NADSYN1: variants seen among roughly 807,000 people sequenced by gnomAD.
NADSYN1 encodes the protein glutamine-dependent NAD(+) synthetase.
In NADSYN1, 80 loss-of-function variants were observed where a neutral mutation model predicts 99.3. The observed-to-expected ratio is 0.81, with a 90% CI of 0.67 to 0.97. The LOEUF is 0.97. Ranked by LOEUF, NADSYN1 falls within the 50% of genes least tolerant of loss-of-function variation. The pLI is 0.00. For missense variants in NADSYN1, 859 were observed against 948.5 expected, an observed-to-expected ratio of 0.91 and a Z score of 1.24; for synonymous variants, 385 against 372.1, an observed-to-expected ratio of 1.03 and a Z score of -0.40.
intron 5 of NADSYN1, among the ~76,000 whole-genome samples, chr11:71,470,752 T>C (rs1055011500): frequency 3.9e-5 from 6 of 152,202 alleles, no homozygotes; most frequent in Admixed American, 2.0e-4. Flanking sequence ...TCAGGAAAGT[T>C]TACCTATTTT....
chr11:71,482,940 C>G lies in NADSYN1; in HGVS notation c.1242C>G (p.Thr414=). ...GAGACCTCTGTGGACGCATACTGACCACCTGCTACATGGCCAGCAAGAACT... is the reference window on the plus strand; with the variant it reads ...GAGACCTCTGTGGACGCATACTGACGACCTGCTACATGGCCAGCAAGAACT... ...DPRDLCGRIL[T]TCYMASKNSS... Residue 414 remains threonine (T), a synonymous_variant, in exon 14 of 21, where the codon ACC becomes ACG. Transcript: ENST00000319023. The G allele has an allele frequency of 6.2e-7, 1 of 1,613,146 alleles. No individual in the cohort carries two copies. Among genetic ancestry groups the G allele is most frequent in the Non-Finnish European group, 8.5e-7 (1 of 1,179,634 alleles).
At chr11:71,456,464 C>A (rs966949631) in intron 2 of NADSYN1, among the ~76,000 whole-genome samples, 1 of 152,220 alleles carries the variant, frequency 6.6e-6, no homozygotes, top group African/African-American at 2.4e-5. Flanking sequence ...CTGATCGTCT[C>A]GTGAGCCTGA....
chr11:71,489,481 A>G (rs756868346), intron 16 of NADSYN1, among the ~76,000 whole-genome samples: 2 of 152,166 alleles, frequency 1.3e-5, no homozygotes, highest in Non-Finnish European at 2.9e-5. Context: ...GGATTTCCCC[A>G]GACTGTGCTC....
At chr11:71,479,687 G>A (rs922901716) in intron 10 of NADSYN1, 1 of 152,218 alleles carries the variant, frequency 6.6e-6, no homozygotes, top group African/African-American at 2.4e-5. Context: ...TGTTGTCAAG[G>A]TTTATCTATG....
rs74651639 is a variant in NADSYN1 at position 71,473,003 on chromosome 11, A to C, written c.460-275A>C. ...GTCGCTTCAGAAGCTGCTGGCCCCA[A>C]TTGGCAGCCCCATCGATGTCCGTGA... On this transcript the variant is annotated intron_variant, in intron 6 of 20. Transcript: ENST00000319023. Among the ~76,000 whole-genome samples the C allele has an allele frequency of 1.8e-3, 267 of 152,326 alleles. 2 individuals are homozygous for C. Among genetic ancestry groups the C allele is most frequent in the African/African-American group, 6.1e-3 (253 of 41,580 alleles).
chr11:71,473,573 C>T lies in NADSYN1; in HGVS notation c.553C>T (p.His185Tyr), dbSNP rs979996141. ...CEELWTPHSPHIDMGLDGVEI... is the reference protein window; with the variant it reads ...CEELWTPHSPYIDMGLDGVEI... ...TTCACCTGCCTCTGCCTGCAGCCCG[C>T]ACATCGACATGGGCCTGGATGGCGT... The change falls in exon 8 of 21, where the codon CAC (histidine) becomes TAC (tyrosine). Residue 185 changes from histidine (H) to tyrosine (Y), a missense_variant. Physicochemically the swap from His to Tyr is moderately conservative, Grantham distance 83 (BLOSUM62 2). Coordinates refer to ENST00000319023, the MANE Select transcript of NADSYN1 (RefSeq NM_018161.5). 28 of 1,609,276 alleles carry T rather than the reference C, an allele frequency of 1.7e-5. 1 individual carries two copies. Among genetic ancestry groups the T allele is most frequent in the Middle Eastern group, 1.7e-4 (1 of 6,024 alleles).
chr11:71,496,239 G>A (rs573369064), intron 18 of NADSYN1, among the ~76,000 whole-genome samples: 2 of 152,304 alleles, frequency 1.3e-5, no homozygotes, highest in African/African-American at 4.8e-5. Flanking sequence ...TCAAGGTGTT[G>A]GCAGAGTCCT....
At chr11:71,473,448 G>T in intron 7 of NADSYN1, 82 bp downstream of exon 7, 1 of 1,444,692 alleles carries the variant, frequency 6.9e-7, no homozygotes, top group Non-Finnish European at 9.6e-7. Flanking sequence ...GACGTCCTGG[G>T]GCCGTGGCCG....
chr11:71,478,695 T>G (rs1380738111), intron 10 of NADSYN1: 3 of 519,688 alleles, frequency 5.8e-6, no homozygotes, highest in Admixed American at 6.3e-5. Context: ...TGGGGTGAGC[T>G]GGGGACAGGC....
At chr11:71,490,824 T>C in intron 16 of NADSYN1, 21 bp from the exon 17 acceptor site, 2 of 1,613,504 alleles carry the variant, frequency 1.2e-6, no homozygotes, top group African/African-American at 1.3e-5. Flanking sequence ...GAACCCGCGC[T>C]CTTTCTCCCT....
chr11:71,462,208 C>T (rs4423214), intron 3 of NADSYN1, among the ~76,000 whole-genome samples: 87,358 of 151,868 alleles, frequency 0.58, 27,542 homozygotes, highest in Non-Finnish European at 0.74. Context: ...TTGGAAAAGC[C>T]GACCAGCATG....
intron 3 of NADSYN1, among the ~76,000 whole-genome samples, chr11:71,461,806 C>T (rs560602021): frequency 1.3e-5 from 2 of 152,320 alleles, no homozygotes; most frequent in East Asian, 3.9e-4. Flanking sequence ...GGGGACAGTG[C>T]CAACCCATTC....
At chr11:71,494,857 T>C (rs1949809285) in intron 18 of NADSYN1, among the ~76,000 whole-genome samples, 1 of 152,168 alleles carries the variant, frequency 6.6e-6, no homozygotes, top group Admixed American at 6.5e-5. Flanking sequence ...GTCTGGCCAA[T>C]CCATTGATTT....
Position 71,482,970 on chromosome 11 carries a change from C to T in NADSYN1, c.1272C>T (p.Ser424=). ...GCTACATGGCCAGCAAGAACTCCTC[C>T]CAGGAGACGTGCACCCGGGCCAGAG... ...TTCYMASKNS[S]QETCTRAREL... The change falls in exon 14 of 21, where the codon TCC becomes TCT. Residue 424 remains serine (S), a synonymous_variant. Coordinates refer to ENST00000319023, the MANE Select transcript of NADSYN1 (RefSeq NM_018161.5). 6.2e-7 allele frequency: 1 copy of T among 1,612,818 alleles called. No homozygotes were observed. Among genetic ancestry groups the T allele is most frequent in the Non-Finnish European group, 8.5e-7 (1 of 1,179,588 alleles).
intron 1 of NADSYN1, among the ~76,000 whole-genome samples, chr11:71,453,965 C>T (rs1364626586): frequency 6.6e-6 from 1 of 152,110 alleles, no homozygotes; most frequent in Non-Finnish European, 1.5e-5. Flanking sequence ...ATCAGCCGGG[C>T]GTGGTGGCCT....
intron 9 of NADSYN1, among the ~76,000 whole-genome samples, chr11:71,477,831 C>G (rs1233811645): frequency 2.0e-5 from 3 of 152,200 alleles, no homozygotes; most frequent in Non-Finnish European, 4.4e-5. Context: ...CAGCTCCGCC[C>G]TCCTCTGTGT....
At chr11:71,472,376 G>T in intron 5 of NADSYN1, 73 bp from the exon 6 acceptor site, 7 of 1,299,906 alleles carry the variant, frequency 5.4e-6, no homozygotes, top group Non-Finnish European at 6.8e-6. Flanking sequence ...TTTGAGTTTT[G>T]TTTAAATGTA....
At chr11:71,464,397 G>A in intron 5 of NADSYN1, 1 of 417,478 alleles carries the variant, frequency 2.4e-6, no homozygotes, top group East Asian at 4.3e-5. Flanking sequence ...GTTACACAAT[G>A]TCCCGGGGTT....
chr11:71,495,243 G>A (rs563886317), intron 18 of NADSYN1, among the ~76,000 whole-genome samples: 2 of 152,350 alleles, frequency 1.3e-5, no homozygotes, highest in East Asian at 3.9e-4. Context: ...ATTTATCAAA[G>A]TATTTTCTGA....
Sources: allele counts gnomAD v4.1 joint callset (sites outside exome capture counted in the v4.1 genomes callset), GRCh38; gene constraint gnomAD v4.1.1; transcripts MANE v1.5; gene names NCBI Gene and HGNC (gene_info 2026-07-23, HGNC 2026-07-21).